Variants in TBC1D30 observed in about 807,000 individuals in gnomAD.
TBC1D30 encodes the protein TBC1 domain family, member 30.
Under a neutral mutation model 63.2 loss-of-function variants are expected in TBC1D30, and 31 were observed. The observed-to-expected ratio is 0.49, with a 90% CI of 0.37 to 0.66. The LOEUF is 0.66. Among genes scored for constraint, TBC1D30 ranks in the 30% least tolerant of loss-of-function variants. The pLI is 0.00. For synonymous variants in TBC1D30, 307 were observed against 361.5 expected (o/e 0.85, Z 1.71); for missense variants, 810 against 953.6 (o/e 0.85, Z 1.98).
chr12:64,843,937 G>A (rs999842768), intron 8 of TBC1D30, among the ~76,000 whole-genome samples: 8 of 152,194 alleles, frequency 5.3e-5, no homozygotes, highest in Middle Eastern at 3.4e-3. Context: ...GACTACAGGC[G>A]TATGCCACCA....
At chr12:64,815,155 G>A (rs901094707) in intron 2 of TBC1D30, among the ~76,000 whole-genome samples, 8 of 152,124 alleles carry the variant, frequency 5.3e-5, no homozygotes, top group African/African-American at 1.9e-4. Context: ...CATAGTAAGG[G>A]AAAACATTTG....
intron 8 of TBC1D30, among the ~76,000 whole-genome samples, chr12:64,855,070 A>G (rs1877186046): frequency 6.6e-6 from 1 of 152,064 alleles, no homozygotes; most frequent in Admixed American, 6.5e-5. Context: ...TTAGCTGGAT[A>G]TACTTACTAT....
intron 10 of TBC1D30, chr12:64,868,636 G>C: frequency 3.1e-6 from 1 of 323,390 alleles, no homozygotes. Flanking sequence ...AAATTCCTTT[G>C]CTTTTTCTTA....
At chr12:64,851,220 A>G (rs898407124) in intron 8 of TBC1D30, among the ~76,000 whole-genome samples, 4 of 151,678 alleles carry the variant, frequency 2.6e-5, no homozygotes, top group Non-Finnish European at 4.4e-5. Flanking sequence ...TCAAAAAACC[A>G]CCTCCTGGAT....
At chr12:64,781,348 C>T (rs1426969397) in intron 1 of TBC1D30, 4 of 1,041,832 alleles carry the variant, frequency 3.8e-6, no homozygotes, top group Non-Finnish European at 3.5e-6. Flanking sequence ...CTCGCCGTCT[C>T]TGCCCGCGCT....
intron 1 of TBC1D30, chr12:64,825,338 G>A: frequency 2.8e-6 from 1 of 359,772 alleles, no homozygotes; most frequent in Admixed American, 4.6e-5. Context: ...GGAAGTGCGG[G>A]TGGCTGCCCG....
intron 8 of TBC1D30, among the ~76,000 whole-genome samples, chr12:64,848,624 A>G (rs1876598188): frequency 1.3e-5 from 2 of 152,170 alleles, no homozygotes; most frequent in South Asian, 2.1e-4. Flanking sequence ...TTATGGCTGC[A>G]TAGTATTCCA....
exon 1 of TBC1D30, chr12:64,781,090 G>C: frequency 2.0e-6 from 2 of 1,003,072 alleles, no homozygotes; most frequent in Non-Finnish European, 2.4e-6. Context: ...GCTGCACAGA[G>C]GAGGAGGAGG....
chr12:64,832,283 CA>C lies in TBC1D30; in HGVS notation c.575del (p.Asn192MetfsTer6). 6.5e-7 allele frequency: 1 copy of C among 1,535,986 alleles called. No individual in the cohort carries two copies. ...CACTAATTCTGGAAGTGATGGAAGG[CA>C]ATGAAGGGGATGCCCTGAAAGTGAG... is the stretch of plus-strand genomic sequence containing the variant. ...AALILEVMEG[N>X]EGDALKIMIY... is the part of the protein sequence containing the mutation. On this transcript the variant is annotated frameshift_variant, in exon 5 of 12. Transcript: ENST00000539867. LOFTEE classifies it high-confidence loss of function.
rs571902105 is a variant in TBC1D30, at chr12:64,832,094, A to G, written c.409-25A>G. The G allele has an allele frequency of 3.0e-5, 45 of 1,492,784 alleles. No homozygotes were observed. The African/African-American group carries it at 3.9e-4, about 13-fold the overall frequency. 92.5% of individuals were successfully genotyped at this position (1,492,784 alleles called of 1,614,324 possible). A position where few individuals can be genotyped will look rare whatever the true frequency, so the allele number is the denominator to read the frequency against. ...GAAAGAATATTAGGAGTTATTTTTG[A>G]AAATATTGTTTCCCTTCCATTTAGG... On this transcript the variant is annotated intron_variant, in intron 4 of 11. Transcript: ENST00000539867.
intron 2 of TBC1D30, among the ~76,000 whole-genome samples, chr12:64,798,493 G>A (rs999431753): frequency 7.2e-5 from 11 of 152,314 alleles, no homozygotes; most frequent in African/African-American, 2.2e-4. Context: ...AAATGCTTAG[G>A]AGAAGGTGTT....
At chr12:64,780,842 G>A (rs1364642036) in exon 1 of TBC1D30, 28 of 998,394 alleles carry the variant, frequency 2.8e-5, no homozygotes, top group Non-Finnish European at 3.3e-5. Context: ...GGGCCGCCCG[G>A]GGCTCCGGAC....
intron 1 of TBC1D30, among the ~76,000 whole-genome samples, chr12:64,784,423 T>C (rs1401647177): frequency 6.6e-6 from 1 of 151,858 alleles, no homozygotes. Context: ...ATCTCTAGAG[T>C]GCATTTCTAC....
chr12:64,771,957 G>A lies in TBC1D30; in HGVS notation c.-376+12308G>A, dbSNP rs564603407. On this transcript the variant is annotated intron_variant, in intron 1 of 13. Coordinates refer to the TBC1D30 transcript ENST00000674237. ...GTTGTGGCACGTGGATGAACATACAGGAATAGGCACAAAATGGCCAGGCGC... is the reference window on the plus strand; with the variant it reads ...GTTGTGGCACGTGGATGAACATACAAGAATAGGCACAAAATGGCCAGGCGC... Among the ~76,000 whole-genome samples, 11 of 152,140 alleles carry A rather than the reference G, an allele frequency of 7.2e-5. No homozygotes were observed. The South Asian group carries it at 2.3e-3, about 32-fold the overall frequency.
chr12:64,848,133 A>G (rs1876548725), intron 8 of TBC1D30, among the ~76,000 whole-genome samples: 1 of 151,958 alleles, frequency 6.6e-6, no homozygotes, highest in East Asian at 1.9e-4. Flanking sequence ...ATCATTACAT[A>G]ATGACCTTCT....
intron 2 of TBC1D30, among the ~76,000 whole-genome samples, chr12:64,791,391 G>A (rs1363243241): frequency 6.6e-6 from 1 of 152,162 alleles, no homozygotes; most frequent in African/African-American, 2.4e-5. Context: ...ATATGATAAA[G>A]TGTTAAAAAT....
At chr12:64,770,695 AT>A (rs1592524979) in intron 1 of TBC1D30, among the ~76,000 whole-genome samples, 2 of 150,386 alleles carry the variant, frequency 1.3e-5, no homozygotes, top group African/African-American at 4.9e-5. Flanking sequence ...TAAAACACCA[AT>A]TCCTTTTTCT....
chr12:64,798,816 T>C (rs1592558789), intron 2 of TBC1D30, among the ~76,000 whole-genome samples: 1 of 148,158 alleles, frequency 6.7e-6, no homozygotes, highest in East Asian at 2.0e-4. Context: ...TTTTTTTTTT[T>C]TTTTTTTTTT....
chr12:64,795,270 G>A (rs1271045355), intron 2 of TBC1D30, among the ~76,000 whole-genome samples: 1 of 152,164 alleles, frequency 6.6e-6, no homozygotes, highest in Non-Finnish European at 1.5e-5. Flanking sequence ...GTGAAGGTCT[G>A]GCTGCTGGTA....
Sources: allele counts gnomAD v4.1 joint callset (sites outside exome capture counted in the v4.1 genomes callset), GRCh38; gene constraint gnomAD v4.1.1; transcripts MANE v1.5; gene names NCBI Gene and HGNC (gene_info 2026-07-23, HGNC 2026-07-21).